Variants in MLLT3 observed in about 807,000 individuals in gnomAD.
MLLT3 encodes protein AF-9.
MLLT3 carries 4 observed loss-of-function variants against 53.2 expected under a neutral mutation model. That is an observed-to-expected ratio of 0.08 (90% CI 0.04 to 0.17). The LOEUF (loss-of-function observed/expected upper bound fraction) is 0.17. Among genes scored for constraint, MLLT3 ranks in the 10% least tolerant of loss-of-function variants. The pLI is 1.00. For synonymous variants in MLLT3, 283 were observed against 230.6 expected (o/e 1.23, Z -2.06); for missense variants, 569 against 684.0 (o/e 0.83, Z 1.87).
intron 5 of MLLT3, among the ~76,000 whole-genome samples, chr9:20,387,969 G>A (rs1009501427): frequency 6.6e-6 from 1 of 152,176 alleles, no homozygotes; most frequent in African/African-American, 2.4e-5. Context: ...GAGAGTGGGG[G>A]TTAACATCAC....
chr9:20,389,760 C>A (rs893010576), intron 5 of MLLT3, among the ~76,000 whole-genome samples: 1 of 151,906 alleles, frequency 6.6e-6, no homozygotes, highest in African/African-American at 2.4e-5. Flanking sequence ...GCCTGGGCAA[C>A]ACAGTGAGAC....
chr9:20,503,822 C>T (rs74996929), intron 2 of MLLT3, among the ~76,000 whole-genome samples: 1 of 151,878 alleles, frequency 6.6e-6, no homozygotes, highest in African/African-American at 2.4e-5. Context: ...GACTAATATC[C>T]AAAATATATG....
chr9:20,533,958 C>CAT (rs1044509205), intron 2 of MLLT3, among the ~76,000 whole-genome samples: 2 of 152,096 alleles, frequency 1.3e-5, no homozygotes, highest in African/African-American at 4.8e-5. Context: ...CTGGGGATCT[C>CAT]ATATATATAG....
chr9:20,557,436 T>G (rs1360057886), intron 2 of MLLT3, among the ~76,000 whole-genome samples: 2 of 152,110 alleles, frequency 1.3e-5, no homozygotes, highest in South Asian at 2.1e-4. Context: ...CTGAATGAAT[T>G]AATATAGCTA....
chr9:20,466,675 C>T (rs1473543948), intron 2 of MLLT3, among the ~76,000 whole-genome samples: 1 of 152,162 alleles, frequency 6.6e-6, no homozygotes, highest in Non-Finnish European at 1.5e-5. Context: ...TTCTGATTAT[C>T]AAATGTGGTA....
rs566063946 is a variant in MLLT3, at chr9:20,443,312, T to C, written c.420+4811A>G. Among the ~76,000 whole-genome samples, 7 of 152,294 alleles carry C rather than the reference T, an allele frequency of 4.6e-5. No individual in the cohort carries two copies. The East Asian group carries it at 1.3e-3, about 29-fold the overall frequency. ...GCTTGCCTATTTTGTGCTTTCTTCG[T>C]AGAAGCACAAGGATCCAACTACCTT... On this transcript the variant is annotated intron_variant, in intron 4 of 10. Transcript: ENST00000380338.
Position 20,621,194 on chromosome 9 carries a change from G to A in MLLT3, c.13-360C>T, listed in dbSNP as rs1820995785. 1.3e-5 allele frequency among the ~76,000 whole-genome samples: 2 copies of A among 152,194 alleles called. No individual in the cohort carries two copies. The highest frequency in any genetic ancestry group is 4.1e-4 in the South Asian group (2 of 4,834). On this transcript the variant is annotated intron_variant, in intron 1 of 10. Coordinates refer to ENST00000380338, the MANE Select transcript of MLLT3 (RefSeq NM_004529.4). The surrounding 1 kb of genome is among the most constrained non-coding windows in gnomAD (Gnocchi z 7.0). ...ACAAATCAGAAGGCGATGCCGGGGC[G>A]GTTTCCCGGCGTGGGAGGGGAGGTG... is the stretch of plus-strand genomic sequence containing the variant.
At chr9:20,349,634 TAAAA>T (rs1162523888) in intron 10 of MLLT3, among the ~76,000 whole-genome samples, 1 of 151,876 alleles carries the variant, frequency 6.6e-6, no homozygotes, top group African/African-American at 2.4e-5. Flanking sequence ...AACTGGGCAA[TAAAA>T]AAATCCCTTC....
At chr9:20,599,760 T>A (rs933808327) in intron 2 of MLLT3, among the ~76,000 whole-genome samples, 10 of 152,094 alleles carry the variant, frequency 6.6e-5, no homozygotes, top group Non-Finnish European at 8.8e-5. Flanking sequence ...CACAGGACAA[T>A]AGGTATATAC....
intron 10 of MLLT3, among the ~76,000 whole-genome samples, chr9:20,350,543 C>T (rs914463941): frequency 1.4e-5 from 2 of 147,006 alleles, no homozygotes; most frequent in Admixed American, 6.7e-5. Context: ...TGCAGTGAGC[C>T]GAGATCCCGC....
intron 2 of MLLT3, among the ~76,000 whole-genome samples, chr9:20,470,137 A>G (rs1000334020): frequency 6.6e-6 from 1 of 152,052 alleles, no homozygotes; most frequent in Non-Finnish European, 1.5e-5. Context: ...CTCTTCTAAC[A>G]GGGTATTTAA....
chr9:20,509,566 T>C (rs1358120267), intron 2 of MLLT3, among the ~76,000 whole-genome samples: 1 of 152,190 alleles, frequency 6.6e-6, no homozygotes, highest in East Asian at 1.9e-4. Flanking sequence ...TCTACAACAC[T>C]TGAGGTTTTG....
chr9:20,343,457 T>A lies in MLLT3; in HGVS notation c.*2986A>T, dbSNP rs964406348. The A allele has an allele frequency of 4.5e-6, 1 of 224,200 alleles. No homozygotes were observed. The highest frequency in any genetic ancestry group is 6.4e-5 in the East Asian group (1 of 15,564). 13.9% of individuals were successfully genotyped at this position (224,200 alleles called of 1,614,324 possible). On this transcript the variant is annotated 3_prime_UTR_variant, in exon 11 of 11. Coordinates refer to ENST00000380338, the MANE Select transcript of MLLT3 (RefSeq NM_004529.4). The stretch of plus-strand genomic sequence containing the variant: ...AGATTGAGAGAGAGGCAGATTATGC[T>A]GAGGATGGTGAAGTAACTGCAAAAT...
At chr9:20,505,332 A>T (rs903511836) in intron 2 of MLLT3, among the ~76,000 whole-genome samples, 24 of 152,246 alleles carry the variant, frequency 1.6e-4, no homozygotes, top group African/African-American at 5.8e-4. Context: ...CATAATCACA[A>T]ATTTAAATAG....
intron 4 of MLLT3, among the ~76,000 whole-genome samples, chr9:20,428,235 A>G (rs895312638): frequency 1.1e-4 from 16 of 152,090 alleles, no homozygotes; most frequent in Non-Finnish European, 2.2e-4. Context: ...ACCAGAAAAA[A>G]CACTTTCAAA....
intron 5 of MLLT3, among the ~76,000 whole-genome samples, chr9:20,393,676 C>T (rs2118727050): frequency 6.6e-6 from 1 of 152,288 alleles, no homozygotes; most frequent in South Asian, 2.1e-4. Context: ...TACATAACCA[C>T]TTTTTATTGC....
chr9:20,616,571 G>A (rs1177310750), intron 2 of MLLT3, among the ~76,000 whole-genome samples: 2 of 151,972 alleles, frequency 1.3e-5, no homozygotes, highest in East Asian at 1.9e-4. Flanking sequence ...TTTGATGCCC[G>A]CTAATGCAAA....
intron 2 of MLLT3, among the ~76,000 whole-genome samples, chr9:20,480,027 A>G (rs1242874519): frequency 2.0e-5 from 3 of 152,188 alleles, no homozygotes; most frequent in Non-Finnish European, 4.4e-5. Flanking sequence ...AAATGTGACC[A>G]TATCACAGCC....
intron 2 of MLLT3, among the ~76,000 whole-genome samples, chr9:20,461,900 T>G (rs1181131734): frequency 1.3e-5 from 2 of 152,168 alleles, no homozygotes; most frequent in Non-Finnish European, 2.9e-5. Flanking sequence ...TCAAACTCTC[T>G]CTATATATAG....
Sources: gnomAD v4.1 joint callset for allele counts (sites outside exome capture counted in the v4.1 genomes callset) on GRCh38, gnomAD v4.1.1 for gene constraint, Gnocchi (gnomAD v3.1) non-coding constraint, MANE v1.5 for transcripts, NCBI Gene and HGNC (gene_info 2026-07-23, HGNC 2026-07-21) for gene names.